TPD52: variants seen among roughly 807,000 people sequenced by gnomAD.
The protein encoded by TPD52 is prostate and colon associated protein.
TPD52 carries 17 observed loss-of-function variants against 31.3 expected under a neutral mutation model. That is an observed-to-expected ratio of 0.54 (90% CI 0.37 to 0.82). The LOEUF is 0.82. Ranked by LOEUF, TPD52 falls within the 40% of genes least tolerant of loss-of-function variation. The probability of loss-of-function intolerance (pLI) is 0.00; values close to 1 mark genes in which losing one functional copy is unlikely to be tolerated. For missense variants in TPD52, 212 were observed against 240.1 expected (o/e 0.88, Z 0.77); for synonymous variants, 83 against 89.6 (o/e 0.93, Z 0.42).
intron 1 of TPD52, among the ~76,000 whole-genome samples, chr8:80,095,638 C>T (rs1221717346): frequency 2.0e-5 from 3 of 152,082 alleles, no homozygotes; most frequent in Non-Finnish European, 4.4e-5. Context: ...TCTGTAAACC[C>T]AAAACTGCCC....
chr8:80,119,903 GA>G, intron 1 of TPD52: 1 of 378,332 alleles, frequency 2.6e-6, no homozygotes, highest in South Asian at 2.0e-5. Flanking sequence ...GAAAACATTA[GA>G]AAATATACAC....
intron 1 of TPD52, among the ~76,000 whole-genome samples, chr8:80,135,574 C>T (rs1218996757): frequency 4.6e-5 from 7 of 151,706 alleles, no homozygotes; most frequent in African/African-American, 9.7e-5. Flanking sequence ...ATCAGTGTGG[C>T]GATTCCTCAG....
chr8:80,126,492 T>TG (rs1350170817), intron 1 of TPD52, among the ~76,000 whole-genome samples: 8 of 148,576 alleles, frequency 5.4e-5, no homozygotes, highest in African/African-American at 2.0e-4. Context: ...TTTTTTTTTT[T>TG]TTTTTTTGAG....
chr8:80,165,965 ATAAC>A (rs908275526), intron 1 of TPD52, among the ~76,000 whole-genome samples: 4 of 152,188 alleles, frequency 2.6e-5, no homozygotes, highest in African/African-American at 9.6e-5. Flanking sequence ...AATATTGTCT[ATAAC>A]AGTATATAAA....
At chr8:80,059,193 C>T (rs1262424189) in intron 2 of TPD52, among the ~76,000 whole-genome samples, 2 of 152,184 alleles carry the variant, frequency 1.3e-5, no homozygotes, top group South Asian at 2.1e-4. Flanking sequence ...TCAAACCACA[C>T]ACTTTTAAAC....
At chr8:80,094,445 T>TATAC (rs1333386128) in intron 1 of TPD52, among the ~76,000 whole-genome samples, 5 of 50,154 alleles carry the variant, frequency 1.0e-4, no homozygotes, top group Admixed American at 6.8e-4. Context: ...TATATATATA[T>TATAC]ATATATATAT....
intron 5 of TPD52, 130 bp downstream of exon 5, chr8:80,050,315 A>G (rs1811234898): frequency 1.3e-6 from 1 of 792,632 alleles, no homozygotes; most frequent in Non-Finnish European, 1.9e-6. Context: ...ACTAGAGAAA[A>G]AGATACTCTA....
intron 2 of TPD52, among the ~76,000 whole-genome samples, chr8:80,053,742 T>A (rs1811595729): frequency 6.6e-6 from 1 of 152,110 alleles, no homozygotes; most frequent in Non-Finnish European, 1.5e-5. Context: ...TCTACACAGA[T>A]AATACTTAAT....
At chr8:80,054,467 T>G (rs906823189) in intron 2 of TPD52, among the ~76,000 whole-genome samples, 1 of 152,144 alleles carries the variant, frequency 6.6e-6, no homozygotes, top group Non-Finnish European at 1.5e-5. Context: ...GAAGAGACTT[T>G]AGGTCCCAGG....
chr8:80,120,849 G>GTGAGCAGA (rs761965429), intron 1 of TPD52, among the ~76,000 whole-genome samples: 3 of 152,134 alleles, frequency 2.0e-5, no homozygotes, highest in Non-Finnish European at 4.4e-5. Flanking sequence ...GGAGGCTGAA[G>GTGAGCAGA]TGAGCAGATC....
intron 1 of TPD52, among the ~76,000 whole-genome samples, chr8:80,165,974 T>C (rs1437431874): frequency 1.3e-5 from 2 of 152,124 alleles, no homozygotes; most frequent in African/African-American, 2.4e-5. Flanking sequence ...TATAACAGTA[T>C]ATAAAATGTT....
chr8:80,162,561 TACA>T (rs1811430564), intron 1 of TPD52, among the ~76,000 whole-genome samples: 1 of 150,788 alleles, frequency 6.6e-6, no homozygotes, highest in Non-Finnish European at 1.5e-5. Context: ...AGTTCAAGGC[TACA>T]ATGAGCTAGA....
chr8:80,094,227 C>G (rs2130897134), intron 1 of TPD52, among the ~76,000 whole-genome samples: 1 of 151,706 alleles, frequency 6.6e-6, no homozygotes, highest in Admixed American at 6.6e-5. Flanking sequence ...ATCTATGAAA[C>G]CATACAATTA....
intron 1 of TPD52, among the ~76,000 whole-genome samples, chr8:80,136,523 CAAAAAAA>C (rs56656428): frequency 8.9e-5 from 6 of 67,096 alleles, no homozygotes; most frequent in African/African-American, 9.2e-5. Context: ...GACTCTGTCT[CAAAAAAA>C]AAAAAAAAAA....
intron 1 of TPD52, among the ~76,000 whole-genome samples, chr8:80,110,391 T>C (rs1223864332): frequency 6.6e-6 from 1 of 152,028 alleles, no homozygotes; most frequent in Non-Finnish European, 1.5e-5. Context: ...TTGTTTTTCA[T>C]TGAGCCTGTT....
chr8:80,101,646 T>C (rs7830961), intron 1 of TPD52, among the ~76,000 whole-genome samples: 101,537 of 151,896 alleles, frequency 0.67, 35,358 homozygotes, highest in African/African-American at 0.88. Flanking sequence ...CCACTCATAG[T>C]GGAAGGTGAA....
intron 1 of TPD52, among the ~76,000 whole-genome samples, chr8:80,108,725 A>G (rs1807301152): frequency 8.3e-6 from 1 of 120,798 alleles, no homozygotes; most frequent in South Asian, 2.5e-4. Flanking sequence ...CATGCAGAAC[A>G]AGAATTACAT....
intron 1 of TPD52, among the ~76,000 whole-genome samples, chr8:80,164,669 A>G (rs1811591245): frequency 6.6e-6 from 1 of 152,170 alleles, no homozygotes; most frequent in Non-Finnish European, 1.5e-5. Flanking sequence ...AGATCACTTG[A>G]GGCCACAAGT....
At chr8:80,125,328 T>C in intron 1 of TPD52, among the ~76,000 whole-genome samples, 1 of 152,174 alleles carries the variant, frequency 6.6e-6, no homozygotes, top group African/African-American at 2.4e-5. Flanking sequence ...AAACTAAAGT[T>C]AGCCAGGTGT....
Sources: allele counts gnomAD v4.1 joint callset (sites outside exome capture counted in the v4.1 genomes callset), GRCh38; gene constraint gnomAD v4.1.1; transcripts MANE v1.5; gene names NCBI Gene and HGNC (gene_info 2026-07-23, HGNC 2026-07-21).